Variants in ZMYND8 observed in about 807,000 individuals in gnomAD.
ZMYND8 encodes MYND-type zinc finger-containing chromatin reader ZMYND8.
In ZMYND8, 37 loss-of-function variants were observed where a neutral mutation model predicts 140.8. The observed-to-expected ratio is 0.26, with a 90% CI of 0.20 to 0.35. The LOEUF (loss-of-function observed/expected upper bound fraction) is 0.35. ZMYND8 is among the 10% of genes least tolerant of loss of function. The pLI, the probability that ZMYND8 is intolerant of heterozygous loss-of-function variation, is 1.00. For synonymous variants in ZMYND8, 592 were observed against 597.1 expected, an observed-to-expected ratio of 0.99 and a Z score of 0.12; for missense variants, 1,068 against 1,570.0, an observed-to-expected ratio of 0.68 and a Z score of 5.40.
At chr20:47,313,089 GAC>G (rs1001704542) in intron 2 of ZMYND8, among the ~76,000 whole-genome samples, 1 of 152,100 alleles carries the variant, frequency 6.6e-6, no homozygotes, top group African/African-American at 2.4e-5. Flanking sequence ...CACATGGCCG[GAC>G]ACAGTGTTCA....
chr20:47,342,287 G>A (rs967666191), intron 2 of ZMYND8, among the ~76,000 whole-genome samples: 2 of 152,030 alleles, frequency 1.3e-5, no homozygotes, highest in African/African-American at 4.8e-5. Context: ...GCTCACACCT[G>A]TAATCCCAGC....
In ZMYND8 at chr20:47,290,254, A is replaced by G; in HGVS notation, c.681T>C (p.Tyr227=). The G allele has an allele frequency of 1.9e-6, 3 of 1,613,506 alleles. No individual in the cohort carries two copies. The highest frequency in any genetic ancestry group is 2.5e-6 in the Non-Finnish European group (3 of 1,179,772). Residue 227 remains tyrosine (Y), a synonymous_variant, in exon 7 of 23, where the codon TAT becomes TAC. Coordinates refer to ENST00000471951, the MANE Select transcript of ZMYND8 (RefSeq NM_001281775.3). ...TLEKNAKKKM[Y]GCTEAFLADA... is the part of the protein sequence containing the mutation. ...CAGCCAGGAAGGCTTCTGTGCAGCC[A>G]TACATTTTCTTTTTCGCATTCTGGG...
intron 8 of ZMYND8, 25 bp downstream of exon 8, chr20:47,287,204 A>C (rs769251452): frequency 6.2e-7 from 1 of 1,609,790 alleles, no homozygotes; most frequent in Non-Finnish European, 8.5e-7. Context: ...GGTGCATCTA[A>C]AACAGGACAG....
chr20:47,212,763 A>G, intron 21 of ZMYND8, 38 bp from the exon 22 acceptor site: 1 of 1,561,346 alleles, frequency 6.4e-7, no homozygotes, highest in Non-Finnish European at 8.7e-7. Context: ...AGTCTGTCAG[A>G]GAGCTGGAAT....
At chr20:47,348,961 G>T (rs1469981479) in intron 1 of ZMYND8, 2 of 152,258 alleles carry the variant, frequency 1.3e-5, no homozygotes, top group Admixed American at 6.5e-5. Context: ...AGAAATGGGT[G>T]CATCACCAAT....
At chr20:47,211,247 A>G (rs1049384514) in intron 22 of ZMYND8, among the ~76,000 whole-genome samples, 1 of 152,204 alleles carries the variant, frequency 6.6e-6, no homozygotes, top group Non-Finnish European at 1.5e-5. Flanking sequence ...CAAGCACCCC[A>G]TGCACTTCTG....
chr20:47,242,884 G>A (rs759142067), intron 14 of ZMYND8, among the ~76,000 whole-genome samples: 3 of 151,886 alleles, frequency 2.0e-5, no homozygotes, highest in Non-Finnish European at 2.9e-5. Context: ...CACCTGTAGC[G>A]GGAAAAAAAG....
chr20:47,278,784 C>A (rs952876762), intron 10 of ZMYND8, among the ~76,000 whole-genome samples: 1 of 152,030 alleles, frequency 6.6e-6, no homozygotes, highest in Non-Finnish European at 1.5e-5. Context: ...AGAACAGAAG[C>A]CAGATGCTCT....
rs757791728 is a variant in ZMYND8, at chr20:47,276,348, G to C, written c.1446C>G (p.Ser482Arg). ...TATCCAGGAAGTCCATGGACTCCTC[G>C]CTCGCACTGAAGTGGCTCGACGTGG... ...KKATSSHFSA[S>R]EESMDFLDKS... Residue 482 changes from serine (S) to arginine (R), a missense_variant, in exon 11 of 23, where the codon AGC (serine) becomes AGG (arginine). By Grantham distance (110) the Ser-to-Arg change is moderately radical. Coordinates refer to ENST00000471951, the MANE Select transcript of ZMYND8 (RefSeq NM_001281775.3). 6.3e-6 allele frequency: 10 copies of C among 1,590,264 alleles called. No homozygotes were observed. Among genetic ancestry groups the C allele is most frequent in the Non-Finnish European group, 8.6e-6 (10 of 1,163,810 alleles).
intron 2 of ZMYND8, among the ~76,000 whole-genome samples, chr20:47,311,420 G>A (rs1437288208): frequency 1.3e-5 from 2 of 152,116 alleles, no homozygotes; most frequent in African/African-American, 4.8e-5. Flanking sequence ...AGACCAGCCT[G>A]GCCAACATGG....
chr20:47,245,428 T>G (rs1186767494), intron 14 of ZMYND8, among the ~76,000 whole-genome samples: 1 of 152,144 alleles, frequency 6.6e-6, no homozygotes, highest in African/African-American at 2.4e-5. Context: ...TGTATTTTAG[T>G]AGAGACAGGG....
At chr20:47,269,592 G>A (rs2075783732) in intron 11 of ZMYND8, among the ~76,000 whole-genome samples, 1 of 152,236 alleles carries the variant, frequency 6.6e-6, no homozygotes, top group Admixed American at 6.5e-5. Flanking sequence ...AGTGTGGGCT[G>A]AAACACATCA....
intron 9 of ZMYND8, 109 bp from the exon 10 acceptor site, chr20:47,282,326 T>C (rs890714828): frequency 1.1e-6 from 1 of 893,744 alleles, no homozygotes; most frequent in African/African-American, 1.7e-5. Flanking sequence ...AGGCCATGAG[T>C]GGAAAAAGAG....
chr20:47,343,370 G>A (rs2082067488), intron 2 of ZMYND8, among the ~76,000 whole-genome samples: 1 of 152,084 alleles, frequency 6.6e-6, no homozygotes, highest in Admixed American at 6.5e-5. Context: ...TGCCAAAGCT[G>A]GAATGATTTG....
chr20:47,278,536 A>G (rs1027129276), intron 10 of ZMYND8, among the ~76,000 whole-genome samples: 6 of 152,210 alleles, frequency 3.9e-5, no homozygotes, highest in Non-Finnish European at 5.9e-5. Flanking sequence ...AACAGTTGGC[A>G]TCTAAGAGAA....
intron 1 of ZMYND8, 148 bp from the exon 2 acceptor site, chr20:47,348,074 T>G (rs2082477609): frequency 1.3e-6 from 1 of 759,946 alleles, no homozygotes; most frequent in African/African-American, 1.7e-5. Flanking sequence ...ACACCTGATT[T>G]CAACAAAGTG....
In ZMYND8 at chr20:47,223,098, C is replaced by T. The variant is rs1194740058; in HGVS notation, c.3256+1219G>A. On this transcript the variant is annotated intron_variant, in intron 19 of 22. Transcript: ENST00000471951. ...TTTGCAAATTTTGCCAATCCGCAGACATACTACTTTATTGTATTATTTATG... is the reference window on the plus strand; with the variant it reads ...TTTGCAAATTTTGCCAATCCGCAGATATACTACTTTATTGTATTATTTATG... 2.6e-5 allele frequency among the ~76,000 whole-genome samples: 4 copies of T among 152,250 alleles called. No homozygotes were observed. The East Asian group carries it at 7.7e-4, about 29-fold the overall frequency.
intron 2 of ZMYND8, among the ~76,000 whole-genome samples, chr20:47,317,808 T>C (rs1443013228): frequency 6.6e-6 from 1 of 152,166 alleles, no homozygotes; most frequent in Non-Finnish European, 1.5e-5. Flanking sequence ...ATGCAGAACC[T>C]GGCTGTGCTC....
At chr20:47,265,824 TC>T (rs768139782) in intron 11 of ZMYND8, among the ~76,000 whole-genome samples, 10 of 152,234 alleles carry the variant, frequency 6.6e-5, no homozygotes, top group Non-Finnish European at 1.5e-4. Context: ...TAGATCTATT[TC>T]CTTTGTTAAT....
Sources: gnomAD v4.1 joint callset for allele counts (sites outside exome capture counted in the v4.1 genomes callset) on GRCh38, gnomAD v4.1.1 for gene constraint, MANE v1.5 for transcripts, NCBI Gene and HGNC (gene_info 2026-07-23, HGNC 2026-07-21) for gene names.